Variants in INTS3 observed in about 807,000 individuals in gnomAD.
INTS3 encodes the protein SOSS complex subunit A.
A neutral mutation model predicts 146.3 loss-of-function variants in INTS3; 34 were observed. That is an observed-to-expected ratio of 0.23 (90% CI 0.18 to 0.31). INTS3 has a LOEUF of 0.31. Ranked by LOEUF, INTS3 falls within the 10% of genes least tolerant of loss-of-function variation. The pLI is 1.00. For missense variants in INTS3, 757 were observed against 1,304.2 expected, an observed-to-expected ratio of 0.58 and a Z score of 6.46; for synonymous variants, 475 against 494.9, an observed-to-expected ratio of 0.96 and a Z score of 0.53.
Position 153,772,358 on chromosome 1 carries a change from C to G in INTS3, c.2739C>G (p.Ser913Arg). The change falls in exon 27 of 30, where the codon AGC (serine) becomes AGG (arginine). Residue 913 changes from serine (S) to arginine (R), a missense_variant. Transcript: ENST00000318967. This position sits in a 1 kb window ranked among gnomAD's most constrained non-coding sequence, Gnocchi z 4.6. ...RKRQSLRSSS[S>R]KLAQLTLEQI... is the part of the protein sequence containing the mutation. Reference sequence around the variant, plus strand: ...TGCACAGCCTGAGGAGCTCTAGCAGCAAGCTGGCCCAGCTGACTCTGGAGC... The same window carrying G: ...TGCACAGCCTGAGGAGCTCTAGCAGGAAGCTGGCCCAGCTGACTCTGGAGC... 6.2e-7 allele frequency: 1 copy of G among 1,614,080 alleles called. No homozygotes were observed. The highest frequency in any genetic ancestry group is 8.5e-7 in the Non-Finnish European group (1 of 1,179,992).
At chr1:153,738,219 C>G (rs1671374858) in intron 1 of INTS3, among the ~76,000 whole-genome samples, 2 of 152,174 alleles carry the variant, frequency 1.3e-5, no homozygotes, top group South Asian at 4.1e-4. Flanking sequence ...CCACCTCAGC[C>G]TCCTGAGTAA....
intron 10 of INTS3, among the ~76,000 whole-genome samples, chr1:153,758,887 C>T (rs1570868244): frequency 6.7e-6 from 1 of 148,198 alleles, no homozygotes; most frequent in East Asian, 2.0e-4. Flanking sequence ...GTGGGAGGAT[C>T]ACTTGAGCCC....
chr1:153,732,283 A>G (rs1671096500), intron 1 of INTS3, among the ~76,000 whole-genome samples: 1 of 152,084 alleles, frequency 6.6e-6, no homozygotes, highest in East Asian at 1.9e-4. Context: ...TCCCCAAGGA[A>G]TAATTCATAT....
chr1:153,754,947 G>A (rs1385970200), intron 9 of INTS3, among the ~76,000 whole-genome samples: 1 of 152,156 alleles, frequency 6.6e-6, no homozygotes, highest in Non-Finnish European at 1.5e-5. Context: ...GTACACTGTC[G>A]AATAAGAGAG....
chr1:153,766,793 A>G (rs6677628), intron 20 of INTS3: 84,218 of 150,470 alleles, frequency 0.56, 23,858 homozygotes, highest in East Asian at 0.69. Flanking sequence ...AGGTTCCAGC[A>G]ATTCTCCTGC....
intron 20 of INTS3, among the ~76,000 whole-genome samples, chr1:153,766,029 T>G (rs1570879378): frequency 6.6e-6 from 1 of 152,182 alleles, no homozygotes; most frequent in East Asian, 1.9e-4. Flanking sequence ...CTGATCTGCT[T>G]TCTGCCTCTA....
Position 153,728,555 on chromosome 1 carries a change from C to T in INTS3, c.-80C>T. The T allele has an allele frequency of 1.3e-6, 2 of 1,493,024 alleles. No homozygotes were observed. Among genetic ancestry groups the T allele is most frequent in the Non-Finnish European group, 1.8e-6 (2 of 1,121,360 alleles). The allele number at this position is 1,493,024 out of a possible 1,614,324, so 92.5% of individuals were successfully genotyped here. A position where few individuals can be genotyped will look rare whatever the true frequency, so the allele number is the denominator to read the frequency against. On this transcript the variant is annotated 5_prime_UTR_variant, in exon 1 of 30. Coordinates refer to ENST00000318967, the MANE Select transcript of INTS3 (RefSeq NM_023015.5). Reference sequence around the variant, plus strand: ...AACTTGTTCCTCTTGCCCCCCAGTCCCTGGCAATCCAGAGATCCCGATATC... The same window carrying T: ...AACTTGTTCCTCTTGCCCCCCAGTCTCTGGCAATCCAGAGATCCCGATATC...
At position 153,728,599 on chromosome 1, in the gene INTS3, C is replaced by T. The variant is rs1670945744; in HGVS notation, c.-36C>T. The T allele has an allele frequency of 6.3e-7, 1 of 1,577,938 alleles. No homozygotes were observed. ...CGATATCTAGGACTGTCCATCCATC[C>T]ACTCCCTGACCTTTTCCCGGCTCCT... On this transcript the variant is annotated 5_prime_UTR_variant, in exon 1 of 30. Transcript: ENST00000318967.
chr1:153,748,364 C>G, intron 5 of INTS3: 1 of 354,832 alleles, frequency 2.8e-6, no homozygotes, highest in Non-Finnish European at 5.4e-6. Flanking sequence ...GAGATATCAT[C>G]CTTTCTTTCC....
chr1:153,728,594 C>G lies in INTS3; in HGVS notation c.-41C>G. 6.4e-7 allele frequency: 1 copy of G among 1,570,500 alleles called. No homozygotes were observed. The highest frequency in any genetic ancestry group is 8.6e-7 in the Non-Finnish European group (1 of 1,163,222). On this transcript the variant is annotated 5_prime_UTR_variant, in exon 1 of 30. It adds an upstream start codon to the 5' untranslated region. Transcript: ENST00000318967. ...GATCCCGATATCTAGGACTGTCCATCCATCCACTCCCTGACCTTTTCCCGG... is the reference window on the plus strand; with the variant it reads ...GATCCCGATATCTAGGACTGTCCATGCATCCACTCCCTGACCTTTTCCCGG...
rs192547603 is a variant in INTS3, at chr1:153,758,531, A to G, written c.1149+768A>G. On this transcript the variant is annotated intron_variant, in intron 10 of 29. Coordinates refer to ENST00000318967, the MANE Select transcript of INTS3 (RefSeq NM_023015.5). ...ATGTATCAAGAACCCAGGCCTGCCG[A>G]GCACGGTGGCTCACGCCTGTAATCC... Among the ~76,000 whole-genome samples, 9 of 152,236 alleles carry G rather than the reference A, an allele frequency of 5.9e-5. No individual in the cohort carries two copies. In the East Asian group the frequency reaches 1.5e-3, roughly 26 times the overall value.
chr1:153,750,382 C>G (rs1266909416), intron 6 of INTS3, among the ~76,000 whole-genome samples: 1 of 152,162 alleles, frequency 6.6e-6, no homozygotes, highest in Non-Finnish European at 1.5e-5. Context: ...TTTCATTACC[C>G]CCTTTTCCCT....
chr1:153,759,655 T>G (rs1672300429), intron 11 of INTS3, 42 bp downstream of exon 11: 1 of 1,303,054 alleles, frequency 7.7e-7, no homozygotes, highest in Non-Finnish European at 1.1e-6. Flanking sequence ...CCCATCCCCC[T>G]AAGCCCCCAC....
In INTS3 at chr1:153,771,793, C is replaced by T. The variant is rs757731529; in HGVS notation, c.2553-3C>T. On this transcript the variant is annotated splice_polypyrimidine_tract_variant and splice_region_variant and intron_variant, in intron 25 of 29. Transcript: ENST00000318967. ...AGCACCCAGTGCCCCCTTCCTCCCC[C>T]AGGCCCAGCGAGGAGATGGTGAAGA... is the stretch of plus-strand genomic sequence containing the variant. 6 of 1,609,552 alleles carry T rather than the reference C, an allele frequency of 3.7e-6. No homozygotes were observed. The highest frequency in any genetic ancestry group is 5.1e-6 in the Non-Finnish European group (6 of 1,177,252).
At position 153,757,412 on chromosome 1, in the gene INTS3, C is replaced by T. The variant is rs922562233; in HGVS notation, c.958-160C>T. On this transcript the variant is annotated intron_variant, in intron 9 of 29. Coordinates refer to ENST00000318967, the MANE Select transcript of INTS3 (RefSeq NM_023015.5). This position sits in a 1 kb window ranked among gnomAD's most constrained non-coding sequence, Gnocchi z 4.0. ...ATTTTTTTTTTAATCAAGAAGTTCT[C>T]CTAAAGGAGGGGAGACTTACGAGAC... Among the ~76,000 whole-genome samples the T allele has an allele frequency of 3.3e-5, 5 of 151,664 alleles. No homozygotes were observed. Among genetic ancestry groups the T allele is most frequent in the Middle Eastern group, 3.2e-3 (1 of 316 alleles).
At chr1:153,759,650 C>A in intron 11 of INTS3, 37 bp downstream of exon 11, 2 of 1,297,952 alleles carry the variant, frequency 1.5e-6, no homozygotes, top group Non-Finnish European at 2.2e-6. Flanking sequence ...ACTTCCCCAT[C>A]CCCCTAAGCC....
chr1:153,772,572 T>C lies in INTS3; in HGVS notation c.2822-67T>C, dbSNP rs1282870054. The C allele has an allele frequency of 1.9e-6, 3 of 1,612,320 alleles. No individual in the cohort carries two copies. Among genetic ancestry groups the C allele is most frequent in the Non-Finnish European group, 1.7e-6 (2 of 1,179,120 alleles). On this transcript the variant is annotated intron_variant, in intron 27 of 29. Transcript: ENST00000318967. This position sits in a 1 kb window ranked among gnomAD's most constrained non-coding sequence, Gnocchi z 4.6. ...CACTCGGGATAAAACAACCTGTGCG[T>C]GCTGTTTAATAAGCTCCCAGACATC...
intron 3 of INTS3, among the ~76,000 whole-genome samples, chr1:153,743,646 T>A (rs557907364): frequency 6.0e-4 from 92 of 152,320 alleles, no homozygotes; most frequent in African/African-American, 2.1e-3. Flanking sequence ...CCCTTAGGAA[T>A]GTTTATATCC....
intron 7 of INTS3, 126 bp from the exon 8 acceptor site, chr1:153,752,153 C>T: frequency 1.0e-6 from 1 of 956,464 alleles, no homozygotes; most frequent in South Asian, 1.4e-5. Context: ...CAGAAGAAAT[C>T]ATAGTTTCTT....
Sources: gnomAD v4.1 joint callset for allele counts (sites outside exome capture counted in the v4.1 genomes callset) on GRCh38, gnomAD v4.1.1 for gene constraint, Gnocchi (gnomAD v3.1) non-coding constraint, MANE v1.5 for transcripts, NCBI Gene and HGNC (gene_info 2026-07-23, HGNC 2026-07-21) for gene names.